Variants in EEFSEC observed in about 807,000 individuals in gnomAD.
EEFSEC encodes the protein selenocysteine-specific elongation factor.
A neutral mutation model predicts 42.1 loss-of-function variants in EEFSEC; 43 were observed. That is an observed-to-expected ratio of 1.02 (90% CI 0.80 to 1.32). EEFSEC has a LOEUF of 1.32. Ranked by LOEUF, EEFSEC falls within the 40% of genes most tolerant of loss-of-function variation. The probability of loss-of-function intolerance (pLI) is 0.00; values close to 1 mark genes in which losing one functional copy is unlikely to be tolerated. For missense variants in EEFSEC, 745 were observed against 803.6 expected, an observed-to-expected ratio of 0.93 and a Z score of 0.88; for synonymous variants, 354 against 339.1, an observed-to-expected ratio of 1.04 and a Z score of -0.48.
At chr3:128,215,431 T>C (rs2065800120) in intron 1 of EEFSEC, among the ~76,000 whole-genome samples, 1 of 152,132 alleles carries the variant, frequency 6.6e-6, no homozygotes. Context: ...AGTTAACTAC[T>C]TCATAGGATC....
chr3:128,283,938 C>T (rs949684575), intron 4 of EEFSEC, among the ~76,000 whole-genome samples: 2 of 152,214 alleles, frequency 1.3e-5, no homozygotes, highest in Admixed American at 1.3e-4. Flanking sequence ...ATACATACTT[C>T]TCCTTAAAAC....
At chr3:128,306,230 A>C (rs1346167296) in intron 4 of EEFSEC, among the ~76,000 whole-genome samples, 1 of 152,216 alleles carries the variant, frequency 6.6e-6, no homozygotes, top group African/African-American at 2.4e-5. Context: ...TTATTCTGTT[A>C]TAAGAATATA....
At chr3:128,420,520 C>T in the EEFSEC span, among the ~76,000 whole-genome samples, 33 of 152,184 alleles carry the variant, frequency 2.2e-4, no homozygotes, top group Admixed American at 1.3e-4. Context: ...CAGGCCTCCA[C>T]GCCTGGGATC....
At chr3:128,199,662 G>C (rs1400434445) in intron 1 of EEFSEC, among the ~76,000 whole-genome samples, 1 of 152,140 alleles carries the variant, frequency 6.6e-6, no homozygotes, top group Non-Finnish European at 1.5e-5. Flanking sequence ...AATTGTTGGG[G>C]CAGTTGCATT....
intron 4 of EEFSEC, among the ~76,000 whole-genome samples, chr3:128,312,294 A>T (rs2066898078): frequency 6.6e-6 from 1 of 152,222 alleles, no homozygotes; most frequent in African/African-American, 2.4e-5. Context: ...CCTGAGTTAC[A>T]CAGAAGTGGG....
At chr3:128,406,273 T>C (rs951205707) in intron 6 of EEFSEC, among the ~76,000 whole-genome samples, 4 of 152,128 alleles carry the variant, frequency 2.6e-5, no homozygotes, top group Non-Finnish European at 5.9e-5. Flanking sequence ...GAAAGACAAA[T>C]GCTGATGATC....
chr3:128,369,289 G>A (rs2067626218), intron 6 of EEFSEC, among the ~76,000 whole-genome samples: 1 of 152,228 alleles, frequency 6.6e-6, no homozygotes, highest in Admixed American at 6.5e-5. Context: ...TGTGGATATT[G>A]TTATGTTCCC....
intron 4 of EEFSEC, among the ~76,000 whole-genome samples, chr3:128,316,283 C>T (rs1245903267): frequency 6.6e-6 from 1 of 152,176 alleles, no homozygotes; most frequent in South Asian, 2.1e-4. Context: ...GTTCTTTCAC[C>T]CTTTTTTAAT....
rs566612693 is a variant in EEFSEC at position 128,317,884 on chromosome 3, G to C, written c.787-23349G>C. On this transcript the variant is annotated intron_variant, in intron 4 of 6. Transcript: ENST00000254730. This position sits in a 1 kb window ranked among gnomAD's most constrained non-coding sequence, Gnocchi z 4.1. ...AGGTTTCCTCCCAGTTCCCTGCCAG[G>C]TGGTAACCATGGTTCCTTTCTCAGG... Among the ~76,000 whole-genome samples, 1 of 152,362 alleles carries C rather than the reference G, an allele frequency of 6.6e-6. No individual in the cohort carries two copies. Among genetic ancestry groups the C allele is most frequent in the Admixed American group, 6.5e-5 (1 of 15,314 alleles).
intron 6 of EEFSEC, among the ~76,000 whole-genome samples, chr3:128,404,076 T>C (rs1214842943): frequency 6.6e-6 from 1 of 152,216 alleles, no homozygotes; most frequent in Non-Finnish European, 1.5e-5. Flanking sequence ...AGAGTCTGGC[T>C]GGGTGGGTAG....
chr3:128,278,550 T>C (rs1240090990), intron 4 of EEFSEC, among the ~76,000 whole-genome samples: 1 of 152,214 alleles, frequency 6.6e-6, no homozygotes, highest in Non-Finnish European at 1.5e-5. Flanking sequence ...TGTCTGAAGC[T>C]CAGAGAAGTT....
At chr3:128,237,604 C>T (rs569752519) in intron 1 of EEFSEC, among the ~76,000 whole-genome samples, 117 of 152,360 alleles carry the variant, frequency 7.7e-4, no homozygotes, top group African/African-American at 2.5e-3. Flanking sequence ...CTGCCCTGCT[C>T]CCCTCTCCCA....
chr3:128,341,362 C>T lies in EEFSEC; in HGVS notation c.916C>T (p.Pro306Ser), dbSNP rs571062558. ...KLLERGLVCA[P>S]ESLHTVHAAL... is the part of the protein sequence containing the mutation. ...GCTGGAGCGCGGGTTGGTGTGTGCC[C>T]CCGAGTCCCTGCACACTGTCCATGC... Residue 306 changes from proline (P) to serine (S), a missense_variant, in exon 5 of 7, where the codon CCC becomes TCC. By Grantham distance (74) the Pro-to-Ser change is moderately conservative (BLOSUM62 -1). Coordinates refer to ENST00000254730, the MANE Select transcript of EEFSEC (RefSeq NM_021937.5). The T allele has an allele frequency of 1.9e-6, 3 of 1,614,126 alleles. No homozygotes were observed. The highest frequency in any genetic ancestry group is 1.1e-5 in the South Asian group (1 of 91,064).
At chr3:128,166,210 C>T (rs539224836) in intron 1 of EEFSEC, among the ~76,000 whole-genome samples, 16 of 152,260 alleles carry the variant, frequency 1.1e-4, no homozygotes, top group Admixed American at 7.2e-4. Flanking sequence ...ACAGCACAGC[C>T]GTGTTTCCCA....
At chr3:128,241,885 G>C (rs1358574011) in intron 1 of EEFSEC, among the ~76,000 whole-genome samples, 2 of 152,208 alleles carry the variant, frequency 1.3e-5, no homozygotes, top group Non-Finnish European at 2.9e-5. Flanking sequence ...AAGATGAGGA[G>C]CCTGAGGCAC....
At chr3:128,293,671 A>AC (rs1553752122) in intron 4 of EEFSEC, among the ~76,000 whole-genome samples, 7,594 of 124,310 alleles carry the variant, frequency 0.061, 920 homozygotes, top group East Asian at 0.41. Flanking sequence ...AAAAAAAAAA[A>AC]AAAAAAAAAA....
chr3:128,311,922 C>T (rs1196071243), intron 4 of EEFSEC, among the ~76,000 whole-genome samples: 1 of 152,158 alleles, frequency 6.6e-6, no homozygotes, highest in African/African-American at 2.4e-5. Context: ...GCCCAGTCAC[C>T]CCTCTTCCCG....
chr3:128,353,266 T>C (rs113147299), intron 5 of EEFSEC, among the ~76,000 whole-genome samples: 3 of 152,344 alleles, frequency 2.0e-5, no homozygotes, highest in African/African-American at 7.2e-5. Context: ...TTGGAATTCA[T>C]GGGAAGGGTA....
In EEFSEC at chr3:128,408,135, G is replaced by C. The variant is rs200217143; in HGVS notation, c.1667G>C (p.Arg556Pro). The change falls in exon 7 of 7, where the codon CGT becomes CCT. Residue 556 changes from arginine to proline, a missense_variant. Coordinates refer to ENST00000254730, the MANE Select transcript of EEFSEC (RefSeq NM_021937.5). ...PALKKRARAG[R>P]GEATRQEESA... ...CTCAAGAAGCGGGCCCGGGCTGGCC[G>C]TGGGGAGGCCACCAGGCAGGAGGAG... 2 of 1,611,544 alleles carry C rather than the reference G, an allele frequency of 1.2e-6. No individual in the cohort carries two copies. Among genetic ancestry groups the C allele is most frequent in the East Asian group, 4.5e-5 (2 of 44,742 alleles).
Sources: allele counts gnomAD v4.1 joint callset (sites outside exome capture counted in the v4.1 genomes callset), GRCh38; gene constraint gnomAD v4.1.1; non-coding constraint Gnocchi (gnomAD v3.1); transcripts MANE v1.5; gene names NCBI Gene and HGNC (gene_info 2026-07-23, HGNC 2026-07-21).